Variants in ULK4 observed in about 807,000 individuals in gnomAD.
The protein encoded by ULK4 is unc-51 like kinase 4.
In ULK4, 133 loss-of-function variants were observed where a neutral mutation model predicts 160.6. The ratio of observed to expected loss-of-function variants is 0.83; its 90% CI spans 0.72 to 0.96. The LOEUF is 0.96. Among genes scored for constraint, ULK4 ranks in the 40% least tolerant of loss-of-function variants. The probability of loss-of-function intolerance (pLI) is 0.00; values close to 1 mark genes in which losing one functional copy is unlikely to be tolerated. For missense variants in ULK4, 1,580 were observed against 1,499.5 expected, an observed-to-expected ratio of 1.05 and a Z score of -0.89; for synonymous variants, 534 against 539.8, an observed-to-expected ratio of 0.99 and a Z score of 0.15.
intron 35 of ULK4, among the ~76,000 whole-genome samples, chr3:41,307,885 A>G (rs1381713559): frequency 6.6e-6 from 1 of 152,148 alleles, no homozygotes; most frequent in Non-Finnish European, 1.5e-5. Flanking sequence ...AAATAGGAAA[A>G]TCCTCAGTGG....
intron 19 of ULK4, among the ~76,000 whole-genome samples, chr3:41,804,836 G>C (rs866480469): frequency 2.6e-5 from 4 of 152,026 alleles, no homozygotes; most frequent in African/African-American, 9.7e-5. Flanking sequence ...TATTCCATTG[G>C]TCTATATCTC....
intron 13 of ULK4, among the ~76,000 whole-genome samples, 180 bp from the exon 14 acceptor site, chr3:41,898,672 A>AT (rs1575910648): frequency 6.6e-6 from 1 of 152,194 alleles, no homozygotes; most frequent in African/African-American, 2.4e-5. Context: ...TATAGATAAT[A>AT]TTTTTTATAA....
intron 35 of ULK4, among the ~76,000 whole-genome samples, chr3:41,270,209 G>A (rs994712031): frequency 4.6e-5 from 7 of 152,184 alleles, no homozygotes; most frequent in African/African-American, 1.7e-4. Flanking sequence ...AGGTGGTGAT[G>A]CGGCACAGTC....
intron 32 of ULK4, among the ~76,000 whole-genome samples, chr3:41,562,714 T>C (rs994524094): frequency 6.6e-6 from 1 of 152,168 alleles, no homozygotes; most frequent in Non-Finnish European, 1.5e-5. Context: ...ATTTGCTTGG[T>C]AGATCTTCCT....
At chr3:41,839,421 T>G (rs1208523366) in intron 17 of ULK4, among the ~76,000 whole-genome samples, 1 of 149,090 alleles carries the variant, frequency 6.7e-6, no homozygotes, top group Non-Finnish European at 1.5e-5. Context: ...ATATAATATA[T>G]ACATATAATA....
intron 35 of ULK4, among the ~76,000 whole-genome samples, chr3:41,306,127 G>GT (rs1491417742): frequency 7.0e-5 from 6 of 85,382 alleles, no homozygotes; most frequent in African/African-American, 3.0e-4. Context: ...CGGGAGGGAG[G>GT]TGGGGGGGGG....
At chr3:41,722,687 T>C (rs2037516259) in intron 22 of ULK4, among the ~76,000 whole-genome samples, 2 of 152,192 alleles carry the variant, frequency 1.3e-5, no homozygotes. Flanking sequence ...GCCTGACATC[T>C]CTTCAGAGAT....
At chr3:41,659,078 T>G (rs994407679) in intron 30 of ULK4, among the ~76,000 whole-genome samples, 19 of 152,198 alleles carry the variant, frequency 1.2e-4, no homozygotes, top group African/African-American at 4.3e-4. Flanking sequence ...TTAATCCATG[T>G]AAATTATATC....
chr3:41,555,560 T>C (rs1038554616), intron 32 of ULK4, among the ~76,000 whole-genome samples: 3 of 152,196 alleles, frequency 2.0e-5, no homozygotes, highest in South Asian at 4.1e-4. Context: ...GGAGCACTTA[T>C]ACACTGTTGG....
intron 35 of ULK4, among the ~76,000 whole-genome samples, chr3:41,279,046 C>T (rs990077110): frequency 4.6e-5 from 7 of 151,770 alleles, no homozygotes; most frequent in Non-Finnish European, 8.8e-5. Flanking sequence ...AGCTAAAAAC[C>T]TTGAAAAAAG....
intron 35 of ULK4, among the ~76,000 whole-genome samples, chr3:41,270,406 C>T (rs2079120284): frequency 6.6e-6 from 1 of 151,812 alleles, no homozygotes; most frequent in Non-Finnish European, 1.5e-5. Context: ...TAGAGTTGTC[C>T]TGCACATTTG....
intron 13 of ULK4, among the ~76,000 whole-genome samples, chr3:41,900,221 A>G (rs1403912797): frequency 6.6e-6 from 1 of 152,180 alleles, no homozygotes; most frequent in Non-Finnish European, 1.5e-5. Flanking sequence ...AAGCTCCCAG[A>G]ATGTCTCCCC....
At chr3:41,892,763 C>T (rs1441640604) in intron 16 of ULK4, among the ~76,000 whole-genome samples, 1 of 152,194 alleles carries the variant, frequency 6.6e-6, no homozygotes, top group Non-Finnish European at 1.5e-5. Context: ...CATATCTGGA[C>T]CATAAGACAC....
chr3:41,539,116 C>A (rs981372542), intron 32 of ULK4, among the ~76,000 whole-genome samples: 2 of 148,798 alleles, frequency 1.3e-5, no homozygotes, highest in African/African-American at 5.0e-5. Context: ...TCCTAAAATT[C>A]ATCTGACATA....
intron 31 of ULK4, among the ~76,000 whole-genome samples, chr3:41,584,953 G>A (rs1040188086): frequency 2.0e-4 from 30 of 152,038 alleles, no homozygotes; most frequent in African/African-American, 7.0e-4. Context: ...AACCAAGGAG[G>A]CAAAAGACTT....
intron 27 of ULK4, among the ~76,000 whole-genome samples, chr3:41,684,074 A>AT (rs2036015922): frequency 6.6e-6 from 1 of 152,120 alleles, no homozygotes; most frequent in Admixed American, 6.5e-5. Flanking sequence ...AGAGAAGAGG[A>AT]TTTACCTACG....
chr3:41,300,239 C>T (rs1210543984), intron 35 of ULK4, among the ~76,000 whole-genome samples: 1 of 152,186 alleles, frequency 6.6e-6, no homozygotes, highest in African/African-American at 2.4e-5. Flanking sequence ...ATAAATGAGG[C>T]TGGCATACAA....
chr3:41,809,761 C>A (rs903819922), intron 19 of ULK4, among the ~76,000 whole-genome samples: 1 of 152,062 alleles, frequency 6.6e-6, no homozygotes, highest in Non-Finnish European at 1.5e-5. Flanking sequence ...CAGTGTTTTG[C>A]CCTACCAATA....
In ULK4 at chr3:41,675,896, T is replaced by C. The variant is rs570363522; in HGVS notation, c.2978+5612A>G. ...GAATTGTTAAAGAATGAATTCCTAC[T>C]GTTTTAAGATAGTTGGTTTATATAA... is the stretch of plus-strand genomic sequence containing the variant. On this transcript the variant is annotated intron_variant, in intron 29 of 36. Transcript: ENST00000301831. 4.6e-5 allele frequency among the ~76,000 whole-genome samples: 7 copies of C among 152,346 alleles called. No individual in the cohort carries two copies. In the East Asian group the frequency reaches 1.3e-3, roughly 29 times the overall value.
Sources: allele counts gnomAD v4.1 joint callset (sites outside exome capture counted in the v4.1 genomes callset), GRCh38; gene constraint gnomAD v4.1.1; transcripts MANE v1.5; gene names NCBI Gene and HGNC (gene_info 2026-07-23, HGNC 2026-07-21).